RBMS3: variants seen among roughly 807,000 people sequenced by gnomAD.
RBMS3 encodes the protein RNA-binding motif, single-stranded-interacting protein 3.
Under a neutral mutation model 66.8 loss-of-function variants are expected in RBMS3, and 27 were observed. The ratio of observed to expected loss-of-function variants is 0.40; its 90% CI spans 0.30 to 0.56. The LOEUF (loss-of-function observed/expected upper bound fraction) is 0.56, where lower values mean the gene tolerates loss of function less well. Among genes scored for constraint, RBMS3 ranks in the 20% least tolerant of loss-of-function variants. RBMS3 has a pLI of 0.40. For synonymous variants in RBMS3, 188 were observed against 183.0 expected (o/e 1.03, Z -0.22); for missense variants, 513 against 549.5 (o/e 0.93, Z 0.66).
intron 14 of RBMS3, among the ~76,000 whole-genome samples, chr3:29,997,617 CG>C (rs1699331528): frequency 1.3e-5 from 2 of 151,138 alleles, no homozygotes; most frequent in African/African-American, 4.9e-5. Flanking sequence ...GTTCAATATA[CG>C]CAAATCAATA....
At chr3:29,981,337 G>A (rs1006383555) in intron 12 of RBMS3, among the ~76,000 whole-genome samples, 8 of 152,204 alleles carry the variant, frequency 5.3e-5, no homozygotes, top group South Asian at 2.1e-4. Flanking sequence ...GGGCTGAGAC[G>A]GTGGGGTTTT....
chr3:29,551,099 G>A (rs2046166346), intron 3 of RBMS3, among the ~76,000 whole-genome samples: 1 of 152,162 alleles, frequency 6.6e-6, no homozygotes, highest in Admixed American at 6.5e-5. Context: ...ATGCTATCGT[G>A]GAGATGAAAT....
chr3:29,801,822 A>G (rs1019806055), intron 6 of RBMS3, among the ~76,000 whole-genome samples: 4 of 152,212 alleles, frequency 2.6e-5, no homozygotes, highest in African/African-American at 9.6e-5. Flanking sequence ...CCTGGGTTCA[A>G]ATTATACCAC....
chr3:29,895,124 CA>C (rs1309539299), intron 8 of RBMS3, among the ~76,000 whole-genome samples: 1 of 151,526 alleles, frequency 6.6e-6, no homozygotes, highest in Non-Finnish European at 1.5e-5. Flanking sequence ...TACACAAATA[CA>C]GTACAATTTA....
At chr3:29,878,497 C>T (rs2059663034) in intron 7 of RBMS3, among the ~76,000 whole-genome samples, 1 of 152,006 alleles carries the variant, frequency 6.6e-6, no homozygotes, top group African/African-American at 2.4e-5. Context: ...TACTGACCTC[C>T]TGCCCATTCT....
intron 6 of RBMS3, among the ~76,000 whole-genome samples, chr3:29,816,964 A>G (rs1397535382): frequency 3.3e-5 from 5 of 152,060 alleles, no homozygotes; most frequent in Non-Finnish European, 5.9e-5. Flanking sequence ...GGTGGTGCAC[A>G]CCCGTAATCC....
At chr3:29,705,462 C>G (rs6781574) in intron 4 of RBMS3, among the ~76,000 whole-genome samples, 19,416 of 152,168 alleles carry the variant, frequency 0.13, 2,687 homozygotes, top group African/African-American at 0.35. Flanking sequence ...CAGAGCATAA[C>G]ACAGTGCTTA....
chr3:29,868,970 T>G lies in RBMS3; in HGVS notation c.744+6T>G. On this transcript the variant is annotated splice_donor_region_variant and intron_variant, in intron 7 of 14. Transcript: ENST00000383767. ...CTTGGCCCAGGGAAGGAGAGGTGAGTCCTGACTGATAACATTTGCTCTGAA... is the reference window on the plus strand; with the variant it reads ...CTTGGCCCAGGGAAGGAGAGGTGAGGCCTGACTGATAACATTTGCTCTGAA... The G allele has an allele frequency of 1.3e-5, 19 of 1,497,656 alleles. No individual in the cohort carries two copies. The highest frequency in any genetic ancestry group is 1.7e-5 in the Non-Finnish European group (18 of 1,088,728). 92.8% of individuals were successfully genotyped at this position (1,497,656 alleles called of 1,614,324 possible). A position where few individuals can be genotyped will look rare whatever the true frequency, so the allele number is the denominator to read the frequency against.
intron 6 of RBMS3, among the ~76,000 whole-genome samples, chr3:29,833,427 G>C (rs1453274135): frequency 6.6e-6 from 1 of 151,898 alleles, no homozygotes; most frequent in Non-Finnish European, 1.5e-5. Flanking sequence ...ACACAGAAAA[G>C]CAACTAAATG....
chr3:30,008,258 T>C lies in RBMS3; in HGVS notation c.*4396T>C, dbSNP rs1699856869. 6.6e-6 allele frequency: 1 copy of C among 152,070 alleles called. No homozygotes were observed. Among genetic ancestry groups the C allele is most frequent in the Admixed American group, 6.6e-5 (1 of 15,250 alleles). 9.4% of individuals were successfully genotyped at this position (152,070 alleles called of 1,614,324 possible). On this transcript the variant is annotated 3_prime_UTR_variant, in exon 15 of 15. Transcript: ENST00000383767. Reference sequence around the variant, plus strand: ...GGCTGTCTAGACATTATGATGTTAATAGGAGATTAAAATACATTTGGCAAT... The same window carrying C: ...GGCTGTCTAGACATTATGATGTTAACAGGAGATTAAAATACATTTGGCAAT...
At chr3:29,871,400 T>A (rs2059488528) in intron 7 of RBMS3, among the ~76,000 whole-genome samples, 1 of 152,152 alleles carries the variant, frequency 6.6e-6, no homozygotes, top group African/African-American at 2.4e-5. Flanking sequence ...GTTTGTTTGT[T>A]TGTTTGACCC....
intron 4 of RBMS3, among the ~76,000 whole-genome samples, chr3:29,687,101 T>C (rs1440502): frequency 0.46 from 70,648 of 152,010 alleles, 17,127 homozygotes; most frequent in South Asian, 0.57. Context: ...TTATGTGTGG[T>C]TTCTTTTTGA....
intron 1 of RBMS3, among the ~76,000 whole-genome samples, chr3:29,296,648 A>T (rs2033287780): frequency 6.6e-6 from 1 of 151,846 alleles, no homozygotes; most frequent in Non-Finnish European, 1.5e-5. Flanking sequence ...ATGACACAGA[A>T]CTATTTGCTA....
chr3:29,719,135 C>G (rs548000676), intron 4 of RBMS3, among the ~76,000 whole-genome samples: 10 of 135,926 alleles, frequency 7.4e-5, no homozygotes, highest in African/African-American at 3.8e-4. Flanking sequence ...GGGCCTAAGA[C>G]TCTCCATTTC....
chr3:29,624,864 A>T (rs1220275808), intron 4 of RBMS3, among the ~76,000 whole-genome samples: 2 of 152,058 alleles, frequency 1.3e-5, no homozygotes, highest in African/African-American at 4.8e-5. Context: ...GTCCCATCAA[A>T]TTTTTTCTTG....
chr3:30,009,216 G>A lies in RBMS3; in HGVS notation c.*5354G>A, dbSNP rs1299502759. On this transcript the variant is annotated 3_prime_UTR_variant, in exon 15 of 15. Coordinates refer to ENST00000383767, the MANE Select transcript of RBMS3 (RefSeq NM_001003793.3). ...ATAAATACAATCACTCTCAATTTTT[G>A]AAGGGCTAATTATCTACTTTGTGGG... The A allele has an allele frequency of 7.9e-5, 12 of 152,000 alleles. 1 individual carries two copies. The highest frequency in any genetic ancestry group is 1.5e-5 in the Non-Finnish European group (1 of 67,966). 9.4% of individuals were successfully genotyped at this position (152,000 alleles called of 1,614,324 possible).
At chr3:29,929,334 A>G (rs562054437) in intron 10 of RBMS3, among the ~76,000 whole-genome samples, 132 of 152,306 alleles carry the variant, frequency 8.7e-4, no homozygotes, top group African/African-American at 3.0e-3. Flanking sequence ...TTTAGGCACA[A>G]ACGTCTAAAG....
intron 4 of RBMS3, among the ~76,000 whole-genome samples, chr3:29,714,357 C>A (rs1329859519): frequency 6.6e-6 from 1 of 152,130 alleles, no homozygotes; most frequent in African/African-American, 2.4e-5. Context: ...GCCTATGCAA[C>A]AGATGGGTTA....
chr3:29,866,471 C>A (rs887907824), intron 6 of RBMS3, among the ~76,000 whole-genome samples: 1 of 152,130 alleles, frequency 6.6e-6, no homozygotes, highest in African/African-American at 2.4e-5. Flanking sequence ...TCTAGATTTA[C>A]CTTTTGTGAG....
Sources: gnomAD v4.1 joint callset for allele counts (sites outside exome capture counted in the v4.1 genomes callset) on GRCh38, gnomAD v4.1.1 for gene constraint, MANE v1.5 for transcripts, NCBI Gene and HGNC (gene_info 2026-07-23, HGNC 2026-07-21) for gene names.